AKAP6: variants seen among roughly 807,000 people sequenced by gnomAD.
AKAP6 encodes the protein A-kinase anchor protein 6.
A neutral mutation model predicts 188.5 loss-of-function variants in AKAP6; 58 were observed. The ratio of observed to expected loss-of-function variants is 0.31; its 90% CI spans 0.25 to 0.38. The LOEUF is 0.38. Ranked by LOEUF, AKAP6 falls within the 10% of genes least tolerant of loss-of-function variation. AKAP6 has a pLI of 1.00. For missense variants in AKAP6, 2,710 were observed against 2,740.0 expected (o/e 0.99, Z 0.24); for synonymous variants, 989 against 998.6 (o/e 0.99, Z 0.18).
At chr14:32,397,520 G>A (rs993791873) in intron 1 of AKAP6, among the ~76,000 whole-genome samples, 1 of 151,930 alleles carries the variant, frequency 6.6e-6, no homozygotes, top group Non-Finnish European at 1.5e-5. Context: ...TGGGACTACA[G>A]GTGCTTGCCA....
At chr14:32,688,960 G>A (rs1052272461) in intron 8 of AKAP6, among the ~76,000 whole-genome samples, 1 of 152,006 alleles carries the variant, frequency 6.6e-6, no homozygotes, top group Admixed American at 6.6e-5. Flanking sequence ...CCTAGAATAG[G>A]GTAATCCTTT....
intron 1 of AKAP6, among the ~76,000 whole-genome samples, chr14:32,398,174 G>A (rs1164443293): frequency 1.3e-4 from 20 of 152,190 alleles, no homozygotes; most frequent in Non-Finnish European, 4.4e-5. Flanking sequence ...AACATAATTG[G>A]TATTGTGCAA....
chr14:32,573,829 G>A (rs746210851), intron 4 of AKAP6, among the ~76,000 whole-genome samples: 4 of 152,112 alleles, frequency 2.6e-5, no homozygotes, highest in African/African-American at 9.7e-5. Context: ...TATTTGTTGT[G>A]TGTGTCCAAA....
At position 32,546,069 on chromosome 14, in the gene AKAP6, A is replaced by G; in HGVS notation, c.1416A>G (p.Lys472=). 1 of 1,614,158 alleles carries G rather than the reference A, an allele frequency of 6.2e-7. No individual in the cohort carries two copies. The highest frequency in any genetic ancestry group is 1.1e-5 in the South Asian group (1 of 91,088). Residue 472 remains lysine, a synonymous_variant, in exon 4 of 14, where the codon AAA becomes AAG. Coordinates refer to ENST00000280979, the MANE Select transcript of AKAP6 (RefSeq NM_004274.5). Reference sequence around the variant, plus strand: ...ATGGGAACCTTGAAAACACAGTCAAATTTCACATTAAAGAAATTTCTTCCA... The same window carrying G: ...ATGGGAACCTTGAAAACACAGTCAAGTTTCACATTAAAGAAATTTCTTCCA... ...VGNGNLENTV[K]FHIKEISSSL...
At chr14:32,781,733 T>C (rs534182797) in intron 12 of AKAP6, among the ~76,000 whole-genome samples, 22 of 152,192 alleles carry the variant, frequency 1.4e-4, no homozygotes, top group Non-Finnish European at 2.5e-4. Context: ...AGCCTAGAAA[T>C]ACGTAGTTTC....
chr14:32,827,064 C>A (rs1356927218), intron 13 of AKAP6, among the ~76,000 whole-genome samples: 3 of 152,132 alleles, frequency 2.0e-5, no homozygotes, highest in Non-Finnish European at 2.9e-5. Flanking sequence ...CATTGGATAA[C>A]TGGGTATAAA....
intron 2 of AKAP6, among the ~76,000 whole-genome samples, chr14:32,462,916 A>AAAAAAAC: frequency 1.1e-5 from 1 of 93,778 alleles, no homozygotes; most frequent in Non-Finnish European, 1.9e-5. Context: ...AAAAAAAAAA[A>AAAAAAAC]AAAAAAAAAA....
At chr14:32,529,963 CTTTTT>C (rs11305618) in intron 2 of AKAP6, among the ~76,000 whole-genome samples, 112 of 62,012 alleles carry the variant, frequency 1.8e-3, no homozygotes, top group African/African-American at 6.1e-3. Context: ...GGTAAAGAAA[CTTTTT>C]TTTTTTTTTT....
chr14:32,825,710 T>C (rs928667493), intron 13 of AKAP6, among the ~76,000 whole-genome samples: 3 of 152,180 alleles, frequency 2.0e-5, no homozygotes, highest in Non-Finnish European at 4.4e-5. Context: ...AAAGAAAATT[T>C]GAGCTTTCAA....
At chr14:32,486,345 C>T (rs1288033485) in intron 2 of AKAP6, among the ~76,000 whole-genome samples, 1 of 151,838 alleles carries the variant, frequency 6.6e-6, no homozygotes, top group Non-Finnish European at 1.5e-5. Flanking sequence ...TTTTCTAATT[C>T]TGCAAAGAAA....
At chr14:32,709,052 G>A (rs1026700953) in intron 9 of AKAP6, among the ~76,000 whole-genome samples, 3 of 151,978 alleles carry the variant, frequency 2.0e-5, no homozygotes, top group South Asian at 2.1e-4. Context: ...TGGAAATACC[G>A]CAAAAGAATT....
At chr14:32,745,933 C>G (rs2031890159) in intron 11 of AKAP6, among the ~76,000 whole-genome samples, 1 of 152,018 alleles carries the variant, frequency 6.6e-6, no homozygotes, top group African/African-American at 2.4e-5. Flanking sequence ...CCAGGGGAGC[C>G]TCACCCTATG....
intron 7 of AKAP6, among the ~76,000 whole-genome samples, chr14:32,621,861 A>G (rs1202797318): frequency 1.3e-5 from 2 of 152,120 alleles, no homozygotes; most frequent in South Asian, 2.1e-4. Flanking sequence ...TCCTAGGCAT[A>G]CCAGTTATGA....
chr14:32,379,050 C>T (rs1384701970), intron 1 of AKAP6, among the ~76,000 whole-genome samples: 2 of 151,636 alleles, frequency 1.3e-5, no homozygotes, highest in Non-Finnish European at 2.9e-5. Context: ...TCTGGAGTTG[C>T]TGGGATTACG....
chr14:32,649,605 ACT>A (rs1387675712), intron 7 of AKAP6, among the ~76,000 whole-genome samples: 1 of 152,170 alleles, frequency 6.6e-6, no homozygotes, highest in African/African-American at 2.4e-5. Context: ...CTTTTTCCTT[ACT>A]GCAAATCTTA....
chr14:32,347,702 A>G (rs1043722712), intron 1 of AKAP6, among the ~76,000 whole-genome samples: 3 of 152,184 alleles, frequency 2.0e-5, no homozygotes, highest in East Asian at 1.9e-4. Context: ...TGTAATACCA[A>G]TGCCCCTGAC....
chr14:32,433,774 A>C lies in AKAP6; in HGVS notation c.281A>C (p.Asp94Ala). 6.2e-7 allele frequency: 1 copy of C among 1,614,104 alleles called. No homozygotes were observed. ...GACCTAACCTATTCAGTCCAGCAGG[A>C]TTCGGACAGCAAGCATGTGGATGTA... ...VRDLTYSVQQ[D>A]SDSKHVDVHL... The change falls in exon 2 of 14, where the codon GAT (aspartate) becomes GCT (alanine). Residue 94 changes from aspartate to alanine, a missense_variant. Coordinates refer to ENST00000280979, the MANE Select transcript of AKAP6 (RefSeq NM_004274.5).
chr14:32,732,911 TACTG>T (rs2031249990), intron 10 of AKAP6: 4 of 525,176 alleles, frequency 7.6e-6, no homozygotes, highest in Non-Finnish European at 1.0e-5. Context: ...ATCTGATATA[TACTG>T]ACTGTCATGC....
rs562973886 is a variant in AKAP6, at chr14:32,379,060, G to A, written c.-35+49652G>A. Among the ~76,000 whole-genome samples the A allele has an allele frequency of 8.6e-5, 13 of 151,722 alleles. 1 individual carries two copies. In the South Asian group the frequency reaches 1.0e-3, roughly 12 times the overall value. ...CAGCCTCTGGAGTTGCTGGGATTAC[G>A]GGCATGCACCACCACGCCTGGCTAC... On this transcript the variant is annotated intron_variant, in intron 1 of 13. Transcript: ENST00000280979.
Sources: allele counts gnomAD v4.1 joint callset (sites outside exome capture counted in the v4.1 genomes callset), GRCh38; gene constraint gnomAD v4.1.1; transcripts MANE v1.5; gene names NCBI Gene and HGNC (gene_info 2026-07-23, HGNC 2026-07-21).